The following PPP3CA variants were observed in gnomAD, a reference collection of about 807,000 sequenced individuals.
PPP3CA encodes protein phosphatase 3 catalytic subunit alpha, also known as CAM-PRP catalytic subunit.
A neutral mutation model predicts 66.5 loss-of-function variants in PPP3CA; 14 were observed. The ratio of observed to expected loss-of-function variants is 0.21; its 90% CI spans 0.14 to 0.33. PPP3CA has a LOEUF of 0.33. Among genes scored for constraint, PPP3CA ranks in the 10% least tolerant of loss-of-function variants. PPP3CA has a pLI of 1.00. For synonymous variants in PPP3CA, 232 were observed against 226.2 expected (o/e 1.03, Z -0.23); for missense variants, 317 against 639.5 (o/e 0.50, Z 5.44).
At position 101,108,287 on chromosome 4, in the gene PPP3CA, C is replaced by T. The variant is rs1157605507; in HGVS notation, c.384+667G>A. 2.6e-5 allele frequency: 4 copies of T among 152,266 alleles called. No individual in the cohort carries two copies. The East Asian group carries it at 7.7e-4, about 29-fold the overall frequency. The allele number at this position is 152,266 out of a possible 1,614,324, so 9.4% of individuals were successfully genotyped here. On this transcript the variant is annotated intron_variant, in intron 3 of 13. Coordinates refer to ENST00000394854, the MANE Select transcript of PPP3CA (RefSeq NM_000944.5). Reference sequence around the variant, plus strand: ...TTTACAAAGGTAAGTTACTGTCTCACAATTATAAGGCATAAACATGCAAAT... The same window carrying T: ...TTTACAAAGGTAAGTTACTGTCTCATAATTATAAGGCATAAACATGCAAAT...
intron 1 of PPP3CA, among the ~76,000 whole-genome samples, chr4:101,294,183 T>C (rs1361393281): frequency 1.3e-5 from 2 of 152,222 alleles, no homozygotes; most frequent in Non-Finnish European, 2.9e-5. Flanking sequence ...GAATCACTTA[T>C]ATAATAAGAA....
chr4:101,346,973 C>G lies in PPP3CA; in HGVS notation c.-177G>C, dbSNP rs1267826161. On this transcript the variant is annotated 5_prime_UTR_variant, in exon 1 of 14. Transcript: ENST00000394854. ...TAAAGTTGCTGCCTTTTCCGCGCGTCCCTCCTCCGCCGCCGCCGCCTTCAC... is the reference window on the plus strand; with the variant it reads ...TAAAGTTGCTGCCTTTTCCGCGCGTGCCTCCTCCGCCGCCGCCGCCTTCAC... 1.5e-6 allele frequency: 1 copy of G among 672,104 alleles called. No individual in the cohort carries two copies. The highest frequency in any genetic ancestry group is 2.5e-6 in the Non-Finnish European group (1 of 401,776). 41.6% of individuals were successfully genotyped at this position (672,104 alleles called of 1,614,324 possible).
At chr4:101,172,249 C>T (rs1248256945) in intron 2 of PPP3CA, among the ~76,000 whole-genome samples, 4 of 152,048 alleles carry the variant, frequency 2.6e-5, no homozygotes, top group Admixed American at 1.3e-4. Flanking sequence ...GAGCATAGAA[C>T]CAGAGAGATT....
chr4:101,047,982 A>G (rs951515072), intron 10 of PPP3CA, among the ~76,000 whole-genome samples: 1 of 152,182 alleles, frequency 6.6e-6, no homozygotes, highest in East Asian at 1.9e-4. Flanking sequence ...ATTGGAATGC[A>G]TCTCTTTAAT....
chr4:101,297,044 A>C (rs1728220131), intron 1 of PPP3CA, among the ~76,000 whole-genome samples: 1 of 152,178 alleles, frequency 6.6e-6, no homozygotes, highest in Non-Finnish European at 1.5e-5. Context: ...AACTTATAAA[A>C]CTCCTATCAA....
rs78906882 is a variant in PPP3CA at position 101,152,048 on chromosome 4, T to C, written c.260-42970A>G. ...CATTATTTCAACATAACTAGAAGTA[T>C]GGTGCAGATTTGAGTTGCTACAAAT... On this transcript the variant is annotated intron_variant, in intron 2 of 13. Transcript: ENST00000394854. Among the ~76,000 whole-genome samples, 134 of 152,328 alleles carry C rather than the reference T, an allele frequency of 8.8e-4. 3 individuals carry two copies. The East Asian group carries it at 0.024, about 28-fold the overall frequency.
chr4:101,118,382 C>G, intron 2 of PPP3CA, among the ~76,000 whole-genome samples: 1 of 146,758 alleles, frequency 6.8e-6, no homozygotes, highest in African/African-American at 2.7e-5. Flanking sequence ...AATAGCACTT[C>G]CTTTAAAGGA....
chr4:101,318,966 A>G (rs1728960223), intron 1 of PPP3CA, among the ~76,000 whole-genome samples: 1 of 152,074 alleles, frequency 6.6e-6, no homozygotes, highest in African/African-American at 2.4e-5. Context: ...ATTCTTCTAC[A>G]CAGGTTTGCT....
intron 11 of PPP3CA, among the ~76,000 whole-genome samples, chr4:101,035,531 T>A (rs1238608896): frequency 1.3e-5 from 2 of 152,234 alleles, no homozygotes; most frequent in East Asian, 1.9e-4. Context: ...TGTTGGGACA[T>A]CATTTAACTT....
intron 1 of PPP3CA, among the ~76,000 whole-genome samples, chr4:101,301,843 TA>T (rs1335358558): frequency 2.0e-5 from 3 of 149,748 alleles, no homozygotes; most frequent in Admixed American, 2.0e-4. Context: ...TATATAATTT[TA>T]AAAATCACAG....
chr4:101,174,089 C>T (rs1723974139), intron 2 of PPP3CA, among the ~76,000 whole-genome samples: 1 of 142,530 alleles, frequency 7.0e-6, no homozygotes, highest in African/African-American at 3.0e-5. Context: ...AAAAACTACG[C>T]CCCCCCCACC....
chr4:101,118,328 A>C (rs1160739021), intron 2 of PPP3CA, among the ~76,000 whole-genome samples: 2 of 152,088 alleles, frequency 1.3e-5, no homozygotes, highest in Non-Finnish European at 2.9e-5. Flanking sequence ...AGAATCAGCT[A>C]ATCTCTCTTT....
chr4:101,322,392 C>G (rs1729066022), intron 1 of PPP3CA, among the ~76,000 whole-genome samples: 1 of 150,788 alleles, frequency 6.6e-6, no homozygotes, highest in African/African-American at 2.4e-5. Context: ...CCAAACACCA[C>G]TAAATCTACT....
At chr4:101,163,549 C>T (rs1412289558) in intron 2 of PPP3CA, among the ~76,000 whole-genome samples, 2 of 152,020 alleles carry the variant, frequency 1.3e-5, no homozygotes, top group African/African-American at 4.8e-5. Context: ...TTTCTTATTC[C>T]CACCCTTTCT....
intron 6 of PPP3CA, among the ~76,000 whole-genome samples, chr4:101,083,714 T>C (rs1343173379): frequency 6.6e-6 from 1 of 152,184 alleles, no homozygotes; most frequent in Non-Finnish European, 1.5e-5. Context: ...CAGAAGAGAA[T>C]ACATATGCTC....
At chr4:101,216,068 A>G (rs746171929) in intron 1 of PPP3CA, among the ~76,000 whole-genome samples, 21 of 152,148 alleles carry the variant, frequency 1.4e-4, no homozygotes, top group Admixed American at 2.6e-4. Context: ...TGTTTATTCC[A>G]AGATTTAATA....
chr4:101,318,499 C>T (rs939147961), intron 1 of PPP3CA, among the ~76,000 whole-genome samples: 1 of 152,094 alleles, frequency 6.6e-6, no homozygotes, highest in Non-Finnish European at 1.5e-5. Context: ...TCATACTTAC[C>T]ACCTAACAAA....
chr4:101,317,297 C>T (rs1488937748), intron 1 of PPP3CA, among the ~76,000 whole-genome samples: 5 of 151,762 alleles, frequency 3.3e-5, no homozygotes. Context: ...CTCACACACA[C>T]TGCCCTAAAT....
Position 101,346,952 on chromosome 4 carries a change from G to C in PPP3CA, c.-156C>G, listed in dbSNP as rs1173551634. 1 of 826,098 alleles carries C rather than the reference G, an allele frequency of 1.2e-6. No homozygotes were observed. The highest frequency in any genetic ancestry group is 1.9e-6 in the Non-Finnish European group (1 of 528,326). 51.2% of individuals were successfully genotyped at this position (826,098 alleles called of 1,614,324 possible). ...GTCTAGGCTCTGAGCTGGCTTTAAA[G>C]TTGCTGCCTTTTCCGCGCGTCCCTC... On this transcript the variant is annotated 5_prime_UTR_variant, in exon 1 of 14. Coordinates refer to ENST00000394854, the MANE Select transcript of PPP3CA (RefSeq NM_000944.5).
Sources: allele counts gnomAD v4.1 joint callset (sites outside exome capture counted in the v4.1 genomes callset), GRCh38; gene constraint gnomAD v4.1.1; transcripts MANE v1.5; gene names NCBI Gene and HGNC (gene_info 2026-07-23, HGNC 2026-07-21).